The following IGFBP2 variants were observed in gnomAD, a reference collection of about 807,000 sequenced individuals.
IGFBP2 encodes the protein insulin like growth factor binding protein 2.
Under a neutral mutation model 26.2 loss-of-function variants are expected in IGFBP2, and 12 were observed. The observed-to-expected ratio is 0.46, with a 90% confidence interval of 0.29 to 0.74. IGFBP2 has a LOEUF of 0.74. Ranked by LOEUF, IGFBP2 falls within the 30% of genes least tolerant of loss-of-function variation. The probability of loss-of-function intolerance (pLI) is 0.09; values close to 1 mark genes in which losing one functional copy is unlikely to be tolerated. For synonymous variants in IGFBP2, 189 were observed against 200.6 expected, an observed-to-expected ratio of 0.94 and a Z score of 0.49; for missense variants, 328 against 441.2, an observed-to-expected ratio of 0.74 and a Z score of 2.30.
At chr2:216,642,451 C>T (rs567889498) in intron 1 of IGFBP2, among the ~76,000 whole-genome samples, 188 of 151,276 alleles carry the variant, frequency 1.2e-3, no homozygotes, top group African/African-American at 4.0e-3. Context: ...GGACTACAGG[C>T]GCACGCCGCC....
At chr2:216,649,295 C>G (rs1038703589) in intron 1 of IGFBP2, among the ~76,000 whole-genome samples, 2 of 152,128 alleles carry the variant, frequency 1.3e-5, no homozygotes, top group African/African-American at 4.8e-5. Context: ...TTTGTATTAC[C>G]CTACTGGTTT....
intron 1 of IGFBP2, among the ~76,000 whole-genome samples, chr2:216,636,282 C>G (rs774938267): frequency 6.6e-6 from 1 of 152,210 alleles, no homozygotes; most frequent in Non-Finnish European, 1.5e-5. Flanking sequence ...AGCACCCCCC[C>G]TCCAGCCTGC....
chr2:216,638,990 G>C (rs953368712), intron 1 of IGFBP2, among the ~76,000 whole-genome samples: 1 of 148,634 alleles, frequency 6.7e-6, no homozygotes, highest in African/African-American at 2.5e-5. Flanking sequence ...CATGAGCCAC[G>C]GTGCCCGACC....
intron 1 of IGFBP2, among the ~76,000 whole-genome samples, chr2:216,642,552 C>T (rs1165400907): frequency 1.3e-5 from 2 of 152,036 alleles, no homozygotes; most frequent in Non-Finnish European, 2.9e-5. Context: ...GTGATCCGCC[C>T]GCCTCGGCCT....
At chr2:216,654,947 C>T (rs973320046) in intron 1 of IGFBP2, among the ~76,000 whole-genome samples, 7 of 152,224 alleles carry the variant, frequency 4.6e-5, no homozygotes, top group Non-Finnish European at 5.9e-5. Flanking sequence ...TGACCCCAGC[C>T]TCCTGGGACC....
At chr2:216,658,223 T>C (rs1313104182) in intron 1 of IGFBP2, among the ~76,000 whole-genome samples, 1 of 152,222 alleles carries the variant, frequency 6.6e-6, no homozygotes, top group African/African-American at 2.4e-5. Context: ...TCTTCTGCGG[T>C]GGCCTTGGAA....
chr2:216,636,936 C>CGGGA (rs1259568392), intron 1 of IGFBP2, among the ~76,000 whole-genome samples: 1 of 2,042 alleles, frequency 4.9e-4, no homozygotes, highest in Non-Finnish European at 8.6e-4. Flanking sequence ...GGCGGGCGGG[C>CGGGA]GGGCGGGCGG....
intron 2 of IGFBP2, 77 bp downstream of exon 2, chr2:216,660,863 A>G (rs938148543): frequency 1.8e-6 from 2 of 1,122,722 alleles, no homozygotes; most frequent in African/African-American, 1.5e-5. Flanking sequence ...GGGCATCCTA[A>G]TAAGACCCTC....
chr2:216,661,980 C>G lies in IGFBP2; in HGVS notation c.795C>G (p.Gly265=), dbSNP rs1404385544. The G allele has an allele frequency of 6.2e-7, 1 of 1,614,066 alleles. No individual in the cohort carries two copies. The highest frequency in any genetic ancestry group is 8.5e-7 in the Non-Finnish European group (1 of 1,180,042). ...ACATCCCCAACTGTGACAAGCATGG[C>G]CTGTACAACCTCAAACAGGTGAGCA... ...SLHIPNCDKH[G]LYNLKQCKMS... Residue 265 remains glycine, a synonymous_variant, in exon 3 of 4, where the codon GGC becomes GGG. Coordinates refer to ENST00000233809, the MANE Select transcript of IGFBP2 (RefSeq NM_000597.3).
chr2:216,647,428 G>A (rs1697731803), intron 1 of IGFBP2, among the ~76,000 whole-genome samples: 1 of 152,236 alleles, frequency 6.6e-6, no homozygotes, highest in South Asian at 2.1e-4. Flanking sequence ...ACTCAGGCTA[G>A]AGTGCTGTGA....
intron 1 of IGFBP2, among the ~76,000 whole-genome samples, chr2:216,644,722 T>C (rs1697677576): frequency 6.6e-6 from 1 of 152,186 alleles, no homozygotes; most frequent in African/African-American, 2.4e-5. Flanking sequence ...CTCATTTTGT[T>C]TTTTTTGTTT....
rs1697989147 is a variant in IGFBP2, at chr2:216,659,540, TGTCTCC to T, written c.443-1016_443-1011del. 4.9e-6 allele frequency: 3 copies of T among 609,570 alleles called. No homozygotes were observed. The African/African-American group carries it at 5.5e-5, about 11-fold the overall frequency. The allele number at this position is 609,570 out of a possible 1,614,324, so 37.8% of individuals were successfully genotyped here. On this transcript the variant is annotated intron_variant, in intron 1 of 3. Transcript: ENST00000233809. Reference sequence around the variant, plus strand: ...TGCCCTTCTGGAGCTTGCTGGGGCTTGTCTCCTGGTTACAGCTCTGCCGTGCGATTC... The same window carrying T: ...TGCCCTTCTGGAGCTTGCTGGGGCTTTGGTTACAGCTCTGCCGTGCGATTC...
In IGFBP2 at chr2:216,661,876, C is replaced by T. The variant is rs913199078; in HGVS notation, c.691C>T (p.Leu231=). 20 of 1,614,096 alleles carry T rather than the reference C, an allele frequency of 1.2e-5. No individual in the cohort carries two copies. The highest frequency in any genetic ancestry group is 4.0e-5 in the African/African-American group (3 of 74,956). The change falls in exon 3 of 4, where the codon CTG becomes TTG. Residue 231 remains leucine, a synonymous_variant. Transcript: ENST00000233809. ...PPARTPCQQE[L]DQVLERISTM... ...CGTGCAGACTCCCTGCCAACAGGAA[C>T]TGGACCAGGTCCTGGAGCGGATCTC...
At chr2:216,638,054 G>T (rs1697534442) in intron 1 of IGFBP2, among the ~76,000 whole-genome samples, 1 of 152,132 alleles carries the variant, frequency 6.6e-6, no homozygotes, top group African/African-American at 2.4e-5. Flanking sequence ...TGGGCATGGT[G>T]GAGCATGCCT....
At chr2:216,633,216 T>C (rs1407220661), upstream of IGFBP2, among the ~76,000 whole-genome samples, 1 of 151,434 alleles carries the variant, frequency 6.6e-6, no homozygotes, top group African/African-American at 2.4e-5. Flanking sequence ...GCCAGAAGAG[T>C]GCGGAGGGAC....
intron 1 of IGFBP2, among the ~76,000 whole-genome samples, chr2:216,656,335 T>C (rs1378264585): frequency 6.6e-6 from 1 of 152,182 alleles, no homozygotes; most frequent in African/African-American, 2.4e-5. Context: ...TGTGGACTAT[T>C]GTGGCTGCAG....
Position 216,660,589 on chromosome 2 carries a change from G to A in IGFBP2, c.475G>A (p.Val159Met), listed in dbSNP as rs758944467. Reference protein sequence around the residue: ...NGDDHSEGGLVENHVDSTMNM... With the variant: ...NGDDHSEGGLMENHVDSTMNM... ...CGATGACCACTCAGAAGGAGGCCTG[G>A]TGGAGAACCACGTGGACAGCACCAT... Residue 159 changes from valine to methionine, a missense_variant, in exon 2 of 4, where the codon GTG (valine) becomes ATG (methionine). Val to Met is a conservative substitution (Grantham distance 21, BLOSUM62 1). Transcript: ENST00000233809. The A allele has an allele frequency of 1.9e-6, 3 of 1,612,758 alleles. No homozygotes were observed. The highest frequency in any genetic ancestry group is 1.3e-5 in the African/African-American group (1 of 75,044).
At chr2:216,662,308 G>A (rs960781470) in intron 3 of IGFBP2, 14 of 362,154 alleles carry the variant, frequency 3.9e-5, no homozygotes, top group Admixed American at 2.1e-4. Context: ...TGCTTTGATC[G>A]GACATTGACA....
At chr2:216,660,413 A>G in intron 1 of IGFBP2, 144 bp from the exon 2 acceptor site, 2 of 616,638 alleles carry the variant, frequency 3.2e-6, no homozygotes, top group South Asian at 4.1e-5. Context: ...TAAATTGCTC[A>G]GCACGGGCCC....
Sources: allele counts gnomAD v4.1 joint callset (sites outside exome capture counted in the v4.1 genomes callset), GRCh38; gene constraint gnomAD v4.1.1; transcripts MANE v1.5; gene names NCBI Gene and HGNC (gene_info 2026-07-23, HGNC 2026-07-21).